The following FGF12 variants were observed in gnomAD, a reference collection of about 807,000 sequenced individuals.
FGF12 encodes fibroblast growth factor 12, also known as fibroblast growth factor 12B.
In FGF12, 14 loss-of-function variants were observed where a neutral mutation model predicts 23.6. The observed-to-expected ratio is 0.59, with a 90% CI of 0.39 to 0.93. The LOEUF (loss-of-function observed/expected upper bound fraction) is 0.93. Among genes scored for constraint, FGF12 ranks in the 40% least tolerant of loss-of-function variants. The probability of loss-of-function intolerance (pLI) is 0.00; values close to 1 mark genes in which losing one functional copy is unlikely to be tolerated. For missense variants in FGF12, 175 were observed against 217.8 expected (o/e 0.80, Z 1.24); for synonymous variants, 62 against 77.3 (o/e 0.80, Z 1.04).
chr3:192,211,500 AC>A (rs201514291), intron 4 of FGF12, among the ~76,000 whole-genome samples: 19,650 of 152,046 alleles, frequency 0.13, 1,419 homozygotes, highest in African/African-American at 0.2. Flanking sequence ...ATCTCGGCTC[AC>A]TGCAAGCTCC....
At chr3:192,496,461 C>A (rs1723960828) in intron 2 of FGF12, among the ~76,000 whole-genome samples, 1 of 152,058 alleles carries the variant, frequency 6.6e-6, no homozygotes, top group Non-Finnish European at 1.5e-5. Flanking sequence ...CTTTTTCCTG[C>A]AACATCAGCT....
chr3:192,556,321 T>C (rs1026279392), intron 2 of FGF12, among the ~76,000 whole-genome samples: 55 of 152,292 alleles, frequency 3.6e-4, no homozygotes, highest in African/African-American at 1.1e-3. Context: ...AGTGAAGAGA[T>C]GGAAAAGATT....
At chr3:192,495,267 C>T (rs1723919564) in intron 2 of FGF12, among the ~76,000 whole-genome samples, 1 of 152,136 alleles carries the variant, frequency 6.6e-6, no homozygotes, top group African/African-American at 2.4e-5. Context: ...ACAACATACA[C>T]ATTTATATCT....
intron 2 of FGF12, among the ~76,000 whole-genome samples, chr3:192,604,756 C>T (rs1714266721): frequency 6.6e-6 from 1 of 152,078 alleles, no homozygotes; most frequent in Admixed American, 6.6e-5. Flanking sequence ...AAAAACAATC[C>T]TAAGCAAAAA....
At chr3:192,620,086 G>A (rs2108646907) in intron 2 of FGF12, among the ~76,000 whole-genome samples, 1 of 152,186 alleles carries the variant, frequency 6.6e-6, no homozygotes, top group Non-Finnish European at 1.5e-5. Flanking sequence ...CCACAACACA[G>A]GTTCACTCCC....
chr3:192,408,713 C>G lies in FGF12; in HGVS notation c.14-48175G>C. 1 of 987,742 alleles carries G rather than the reference C, an allele frequency of 1.0e-6. No individual in the cohort carries two copies. The highest frequency in any genetic ancestry group is 4.7e-5 in the South Asian group (1 of 21,334). The allele number at this position is 987,742 out of a possible 1,614,324, so 61.2% of individuals were successfully genotyped here. On this transcript the variant is annotated intron_variant, in intron 2 of 5. Coordinates refer to ENST00000445105, the MANE Select transcript of FGF12 (RefSeq NM_004113.6). This position sits in a 1 kb window ranked among gnomAD's most constrained non-coding sequence, Gnocchi z 7.3. Reference sequence around the variant, plus strand: ...AGAAAACCCGTTTACAAAGCAGAGTCTGGACCCAGGCGGGTAGCGCGCCCC... The same window carrying G: ...AGAAAACCCGTTTACAAAGCAGAGTGTGGACCCAGGCGGGTAGCGCGCCCC...
At chr3:192,677,336 C>T (rs887696353) in intron 2 of FGF12, among the ~76,000 whole-genome samples, 1 of 152,156 alleles carries the variant, frequency 6.6e-6, no homozygotes, top group African/African-American at 2.4e-5. Context: ...CCCCCTATTC[C>T]TGATCTCACC....
At chr3:192,570,511 T>A (rs1712541216) in intron 2 of FGF12, among the ~76,000 whole-genome samples, 1 of 152,190 alleles carries the variant, frequency 6.6e-6, no homozygotes, top group Non-Finnish European at 1.5e-5. Flanking sequence ...TTCATCATAG[T>A]CACCTTTGAT....
At chr3:192,632,907 C>T (rs1715442228) in intron 2 of FGF12, among the ~76,000 whole-genome samples, 1 of 151,972 alleles carries the variant, frequency 6.6e-6, no homozygotes, top group Non-Finnish European at 1.5e-5. Flanking sequence ...TATTCCATGC[C>T]TCTCTCCTAG....
intron 4 of FGF12, among the ~76,000 whole-genome samples, chr3:192,313,234 T>A (rs1716051154): frequency 6.6e-6 from 1 of 152,210 alleles, no homozygotes; most frequent in African/African-American, 2.4e-5. Context: ...TTACTTCCAA[T>A]GCCTAAGACA....
At chr3:192,554,630 G>C (rs1465365358) in intron 2 of FGF12, among the ~76,000 whole-genome samples, 1 of 151,996 alleles carries the variant, frequency 6.6e-6, no homozygotes, top group Admixed American at 6.6e-5. Context: ...CAAATGAAGA[G>C]ATCCCAACAC....
intron 2 of FGF12, among the ~76,000 whole-genome samples, chr3:192,436,135 A>C (rs1458382732): frequency 2.0e-5 from 3 of 152,134 alleles, no homozygotes; most frequent in Non-Finnish European, 4.4e-5. Flanking sequence ...TCAGGACAAT[A>C]CTGTCATAGT....
intron 2 of FGF12, among the ~76,000 whole-genome samples, chr3:192,449,909 T>C (rs114901720): frequency 0.01 from 1,567 of 152,292 alleles, 19 homozygotes; most frequent in African/African-American, 0.03. Flanking sequence ...CTGATATTTA[T>C]ATATACTATT....
chr3:192,440,360 G>C lies in FGF12; in HGVS notation c.14-79822C>G, dbSNP rs77021981. Among the ~76,000 whole-genome samples, 984 of 152,192 alleles carry C rather than the reference G, an allele frequency of 6.5e-3. 5 individuals are homozygous for C. The highest frequency in any genetic ancestry group is 0.011 in the Non-Finnish European group (719 of 68,016). ...GAGCATTTAGCACAGAAGGGTGGAC[G>C]GGAGTATTTTCCAGCAGCTCAGGTG... On this transcript the variant is annotated intron_variant, in intron 2 of 5. Coordinates refer to ENST00000445105, the MANE Select transcript of FGF12 (RefSeq NM_004113.6).
chr3:192,664,812 G>A (rs1716803437), intron 2 of FGF12, among the ~76,000 whole-genome samples: 1 of 151,914 alleles, frequency 6.6e-6, no homozygotes, highest in African/African-American at 2.4e-5. Flanking sequence ...GCCCCAAATA[G>A]TTTGATTATT....
intron 4 of FGF12, among the ~76,000 whole-genome samples, chr3:192,285,173 G>A (rs1714379710): frequency 6.6e-6 from 1 of 152,032 alleles, no homozygotes; most frequent in Non-Finnish European, 1.5e-5. Flanking sequence ...TGTTCTGCCA[G>A]TTTAATCCCC....
intron 4 of FGF12, among the ~76,000 whole-genome samples, chr3:192,214,964 A>C (rs989887163): frequency 6.6e-6 from 1 of 152,216 alleles, no homozygotes; most frequent in African/African-American, 2.4e-5. Flanking sequence ...TGCTGGAAGA[A>C]ATTCTTCATG....
intron 2 of FGF12, among the ~76,000 whole-genome samples, chr3:192,639,824 G>T (rs1577092971): frequency 6.6e-6 from 1 of 152,210 alleles, no homozygotes; most frequent in Middle Eastern, 3.4e-3. Flanking sequence ...ATTCTTGGGA[G>T]GTCCTGAAAC....
chr3:192,350,161 A>T (rs990752622), intron 3 of FGF12, among the ~76,000 whole-genome samples: 1 of 152,186 alleles, frequency 6.6e-6, no homozygotes, highest in African/African-American at 2.4e-5. Flanking sequence ...GTTCATAACC[A>T]AAAAGAAGTC....
Sources: allele counts gnomAD v4.1 joint callset (sites outside exome capture counted in the v4.1 genomes callset), GRCh38; gene constraint gnomAD v4.1.1; non-coding constraint Gnocchi (gnomAD v3.1); transcripts MANE v1.5; gene names NCBI Gene and HGNC (gene_info 2026-07-23, HGNC 2026-07-21).